RASSF9: variants seen among roughly 807,000 people sequenced by gnomAD.
The protein encoded by RASSF9 is Ras association domain family member 9, also known as ras association domain-containing protein 9.
Under a neutral mutation model 21.4 loss-of-function variants are expected in RASSF9, and 18 were observed. The ratio of observed to expected loss-of-function variants is 0.84; its 90% CI spans 0.58 to 1.25. The LOEUF (loss-of-function observed/expected upper bound fraction) is 1.25, where lower values mean the gene tolerates loss of function less well. Among genes scored for constraint, RASSF9 ranks in the 50% most tolerant of loss-of-function variants. RASSF9 has a pLI of 0.00. For missense variants in RASSF9, 480 were observed against 503.2 expected, an observed-to-expected ratio of 0.95 and a Z score of 0.44; for synonymous variants, 183 against 179.1, an observed-to-expected ratio of 1.02 and a Z score of -0.18.
intron 1 of RASSF9, among the ~76,000 whole-genome samples, chr12:85,823,319 G>T (rs1880257462): frequency 6.6e-6 from 1 of 151,916 alleles, no homozygotes; most frequent in Non-Finnish European, 1.5e-5. Flanking sequence ...GAACTGATCT[G>T]ACATATCCTC....
chr12:85,830,588 A>G (rs61930079), intron 1 of RASSF9, among the ~76,000 whole-genome samples: 9,467 of 152,182 alleles, frequency 0.062, 426 homozygotes, highest in Middle Eastern at 0.18. Flanking sequence ...TGTTTAAATC[A>G]CTTCATTTAT....
chr12:85,827,479 A>C (rs1880358515), intron 1 of RASSF9, among the ~76,000 whole-genome samples: 1 of 152,162 alleles, frequency 6.6e-6, no homozygotes, highest in African/African-American at 2.4e-5. Context: ...CCTTTTGAAA[A>C]ATGTAAATAA....
At chr12:85,822,122 A>G (rs1880225604) in intron 1 of RASSF9, among the ~76,000 whole-genome samples, 1 of 152,208 alleles carries the variant, frequency 6.6e-6, no homozygotes, top group Admixed American at 6.5e-5. Flanking sequence ...TAGTTTACTG[A>G]TAACTATCGT....
At chr12:85,810,675 A>G (rs570997937) in intron 1 of RASSF9, among the ~76,000 whole-genome samples, 2 of 152,016 alleles carry the variant, frequency 1.3e-5, no homozygotes, top group East Asian at 3.9e-4. Context: ...TCCCATCTCA[A>G]TCTTTGAAAA....
chr12:85,825,425 G>A (rs1264939629), intron 1 of RASSF9, among the ~76,000 whole-genome samples: 1 of 151,992 alleles, frequency 6.6e-6, no homozygotes, highest in Non-Finnish European at 1.5e-5. Flanking sequence ...CAATAATCTA[G>A]ATCAAGTGTC....
intron 1 of RASSF9, among the ~76,000 whole-genome samples, chr12:85,814,786 A>G (rs967753483): frequency 3.3e-5 from 5 of 152,022 alleles, no homozygotes; most frequent in African/African-American, 9.7e-5. Context: ...ATTTTAGTTC[A>G]TGGAAAGGCT....
chr12:85,813,439 A>C (rs1318023656), intron 1 of RASSF9, among the ~76,000 whole-genome samples: 2 of 151,992 alleles, frequency 1.3e-5, no homozygotes, highest in African/African-American at 4.8e-5. Flanking sequence ...AAGCATCAAG[A>C]AATAAATTAA....
In RASSF9 at chr12:85,803,918, T is replaced by C. The variant is rs1040807511; in HGVS notation, c.*784A>G. 6.6e-6 allele frequency: 1 copy of C among 152,222 alleles called. No individual in the cohort carries two copies. The highest frequency in any genetic ancestry group is 2.4e-5 in the African/African-American group (1 of 41,458). 9.4% of individuals were successfully genotyped at this position (152,222 alleles called of 1,614,324 possible). On this transcript the variant is annotated 3_prime_UTR_variant, in exon 2 of 2. Coordinates refer to ENST00000361228, the MANE Select transcript of RASSF9 (RefSeq NM_005447.4). ...GATAGGACATAAACAAATAACACTATGACTGATTTTCTCTGTAACCCACAC... is the reference window on the plus strand; with the variant it reads ...GATAGGACATAAACAAATAACACTACGACTGATTTTCTCTGTAACCCACAC...
At chr12:85,821,014 C>T (rs1336652288) in intron 1 of RASSF9, among the ~76,000 whole-genome samples, 2 of 151,982 alleles carry the variant, frequency 1.3e-5, no homozygotes, top group Admixed American at 6.6e-5. Context: ...CGTAGTGGCA[C>T]GGGCCTATAG....
intron 1 of RASSF9, among the ~76,000 whole-genome samples, chr12:85,826,318 C>T (rs7313153): frequency 0.89 from 134,934 of 152,150 alleles, 60,023 homozygotes; most frequent in East Asian, 1. Context: ...GCCCCATGCA[C>T]TGAATTTTGA....
chr12:85,806,672 CAAAAA>C (rs71076150), intron 1 of RASSF9, among the ~76,000 whole-genome samples: 1 of 54,842 alleles, frequency 1.8e-5, no homozygotes, highest in African/African-American at 6.6e-5. Context: ...GACTCCATCT[CAAAAA>C]AAAAAAAAAA....
chr12:85,806,667 C>A (rs1592526621), intron 1 of RASSF9, among the ~76,000 whole-genome samples: 1 of 77,112 alleles, frequency 1.3e-5, no homozygotes, highest in Non-Finnish European at 2.2e-5. Flanking sequence ...CGTGAGACTC[C>A]ATCTCAAAAA....
intron 1 of RASSF9, among the ~76,000 whole-genome samples, chr12:85,834,925 T>C (rs1354481340): frequency 6.6e-6 from 1 of 152,076 alleles, no homozygotes; most frequent in Non-Finnish European, 1.5e-5. Context: ...TTACCATAAA[T>C]AGCATATTTG....
At chr12:85,819,361 C>T (rs1448577164) in intron 1 of RASSF9, among the ~76,000 whole-genome samples, 1 of 151,978 alleles carries the variant, frequency 6.6e-6, no homozygotes, top group Non-Finnish European at 1.5e-5. Flanking sequence ...CTTGATTATA[C>T]TACAATGTTT....
intron 1 of RASSF9, among the ~76,000 whole-genome samples, chr12:85,814,689 C>A (rs1880023722): frequency 6.6e-6 from 1 of 151,390 alleles, no homozygotes; most frequent in Admixed American, 6.6e-5. Context: ...TTCATCCCAT[C>A]ATCAACCTTT....
At chr12:85,816,084 C>T (rs1323866304) in intron 1 of RASSF9, among the ~76,000 whole-genome samples, 4 of 152,052 alleles carry the variant, frequency 2.6e-5, no homozygotes, top group African/African-American at 9.7e-5. Context: ...CATGTTCTCA[C>T]TTATAAGAGG....
intron 1 of RASSF9, among the ~76,000 whole-genome samples, chr12:85,811,882 A>G (rs1424945575): frequency 6.6e-6 from 1 of 151,782 alleles, no homozygotes; most frequent in Non-Finnish European, 1.5e-5. Flanking sequence ...TAATTAGGGT[A>G]TGTCACATTT....
At chr12:85,822,958 T>C (rs913693622) in intron 1 of RASSF9, among the ~76,000 whole-genome samples, 1 of 152,152 alleles carries the variant, frequency 6.6e-6, no homozygotes, top group African/African-American at 2.4e-5. Context: ...CCCAGCACTT[T>C]GCGAGCCCGA....
chr12:85,835,082 CAT>C (rs1880530485), intron 1 of RASSF9, among the ~76,000 whole-genome samples: 2 of 152,010 alleles, frequency 1.3e-5, no homozygotes, highest in Non-Finnish European at 2.9e-5. Context: ...TCAAAGTAGA[CAT>C]GTGTGCGCAA....
Sources: allele counts gnomAD v4.1 joint callset (sites outside exome capture counted in the v4.1 genomes callset), GRCh38; gene constraint gnomAD v4.1.1; transcripts MANE v1.5; gene names NCBI Gene and HGNC (gene_info 2026-07-23, HGNC 2026-07-21).